PARD3B: variants seen among roughly 807,000 people sequenced by gnomAD.
The protein encoded by PARD3B is partitioning defective 3 homolog B.
A neutral mutation model predicts 130.2 loss-of-function variants in PARD3B; 103 were observed. The ratio of observed to expected loss-of-function variants is 0.79; its 90% CI spans 0.67 to 0.93. PARD3B has a LOEUF of 0.93. PARD3B is among the 40% of genes least tolerant of loss of function. The pLI, the probability that PARD3B is intolerant of heterozygous loss-of-function variation, is 0.00. For synonymous variants in PARD3B, 583 were observed against 553.2 expected, an observed-to-expected ratio of 1.05 and a Z score of -0.76; for missense variants, 1,609 against 1,499.2, an observed-to-expected ratio of 1.07 and a Z score of -1.21.
intron 16 of PARD3B, among the ~76,000 whole-genome samples, chr2:205,255,045 C>T (rs1023479224): frequency 1.0e-3 from 154 of 152,036 alleles, no homozygotes; most frequent in African/African-American, 3.5e-3. Context: ...CCTTTTGCCA[C>T]CATCACCCTC....
Position 205,292,066 on chromosome 2 carries a change from A to G in PARD3B, c.2186-8464A>G, listed in dbSNP as rs879660876. Among the ~76,000 whole-genome samples the G allele has an allele frequency of 2.0e-5, 3 of 152,170 alleles. No homozygotes were observed. The highest frequency in any genetic ancestry group is 4.8e-5 in the African/African-American group (2 of 41,446). On this transcript the variant is annotated intron_variant, in intron 16 of 22. Coordinates refer to ENST00000406610, the MANE Select transcript of PARD3B (RefSeq NM_001302769.2). The surrounding 1 kb of genome is among the most constrained non-coding windows in gnomAD (Gnocchi z 5.3). Reference sequence around the variant, plus strand: ...GGGCAGCCAAACACCACTGGGTTCTATTCCTTGTGCTGTAGTGTCAAATTG... The same window carrying G: ...GGGCAGCCAAACACCACTGGGTTCTGTTCCTTGTGCTGTAGTGTCAAATTG...
rs1488638107 is a variant in PARD3B, at chr2:205,252,848, C to CG, written c.2185+7026_2185+7027insG. Among the ~76,000 whole-genome samples, 3 of 115,628 alleles carry CG rather than the reference C, an allele frequency of 2.6e-5. 1 individual carries two copies. The highest frequency in any genetic ancestry group is 8.3e-5 in the Admixed American group (1 of 12,008). The allele number at this position is 115,628 out of a possible 152,430, so 75.9% of individuals were successfully genotyped here. ...TAGGAACCTGAAGGGACCCCCCCCC[C>CG]CCACCAAAAAAAAAAAAAAAGGAGA... On this transcript the variant is annotated intron_variant, in intron 16 of 22. Transcript: ENST00000406610.
At chr2:204,941,370 T>G (rs140611633) in intron 2 of PARD3B, among the ~76,000 whole-genome samples, 2 of 152,200 alleles carry the variant, frequency 1.3e-5, no homozygotes, top group African/African-American at 4.8e-5. Context: ...CGAGACTCTG[T>G]CTAAAGAAGA....
At chr2:204,716,284 A>T (rs2038720246) in intron 2 of PARD3B, among the ~76,000 whole-genome samples, 1 of 152,148 alleles carries the variant, frequency 6.6e-6, no homozygotes, top group African/African-American at 2.4e-5. Flanking sequence ...ACAGATCAGC[A>T]ACATGAGCAT....
intron 3 of PARD3B, among the ~76,000 whole-genome samples, chr2:204,965,893 A>G (rs1481738782): frequency 6.6e-6 from 1 of 152,206 alleles, no homozygotes; most frequent in Non-Finnish European, 1.5e-5. Context: ...TCAGTTTACA[A>G]CTCCAAGAGA....
intron 1 of PARD3B, among the ~76,000 whole-genome samples, chr2:204,571,748 G>A (rs1435413699): frequency 1.3e-5 from 2 of 152,176 alleles, no homozygotes; most frequent in East Asian, 1.9e-4. Flanking sequence ...TAATACAGTA[G>A]TAGATGAGTG....
At chr2:204,921,980 A>G (rs1446880198) in intron 2 of PARD3B, among the ~76,000 whole-genome samples, 1 of 152,082 alleles carries the variant, frequency 6.6e-6, no homozygotes, top group Non-Finnish European at 1.5e-5. Flanking sequence ...GAGGGAAGAA[A>G]GAACCAAAAT....
At position 205,558,285 on chromosome 2, in the gene PARD3B, G is replaced by A. The variant is rs969119866; in HGVS notation, c.3260+4882G>A. ...CCCAGGGCGAGTTAACCAGGAAGGTGGAGCATGATGCTCTAGCTCCCAGGG... is the reference window on the plus strand; with the variant it reads ...CCCAGGGCGAGTTAACCAGGAAGGTAGAGCATGATGCTCTAGCTCCCAGGG... On this transcript the variant is annotated intron_variant, in intron 22 of 22. Coordinates refer to ENST00000406610, the MANE Select transcript of PARD3B (RefSeq NM_001302769.2). This position sits in a 1 kb window ranked among gnomAD's most constrained non-coding sequence, Gnocchi z 4.8. Among the ~76,000 whole-genome samples the A allele has an allele frequency of 6.6e-6, 1 of 152,112 alleles. No individual in the cohort carries two copies. The highest frequency in any genetic ancestry group is 2.4e-5 in the African/African-American group (1 of 41,412).
intron 20 of PARD3B, among the ~76,000 whole-genome samples, chr2:205,478,216 T>C (rs2049094931): frequency 6.6e-6 from 1 of 152,196 alleles, no homozygotes; most frequent in South Asian, 2.1e-4. Flanking sequence ...GAGGCTGAAT[T>C]TCTGGCATCA....
intron 16 of PARD3B, among the ~76,000 whole-genome samples, chr2:205,296,112 A>G (rs898316421): frequency 6.6e-6 from 1 of 152,224 alleles, no homozygotes; most frequent in African/African-American, 2.4e-5. Flanking sequence ...TGACTGTGAC[A>G]GTAATGATCA....
intron 2 of PARD3B, among the ~76,000 whole-genome samples, chr2:204,734,830 A>G (rs958896569): frequency 1.3e-5 from 2 of 151,948 alleles, no homozygotes; most frequent in South Asian, 2.1e-4. Flanking sequence ...TGGTCACACA[A>G]CTCTATGCAT....
At chr2:205,297,464 T>A (rs2041837378) in intron 16 of PARD3B, among the ~76,000 whole-genome samples, 1 of 152,168 alleles carries the variant, frequency 6.6e-6, no homozygotes, top group African/African-American at 2.4e-5. Context: ...GGTATTTTAT[T>A]CCAAGTGTTT....
At chr2:204,891,288 A>G (rs2046436477) in intron 2 of PARD3B, among the ~76,000 whole-genome samples, 1 of 151,932 alleles carries the variant, frequency 6.6e-6, no homozygotes, top group African/African-American at 2.4e-5. Flanking sequence ...CTGTGACAAG[A>G]CACTATATCA....
chr2:204,814,453 T>C (rs1212806397), intron 2 of PARD3B, among the ~76,000 whole-genome samples: 1 of 151,864 alleles, frequency 6.6e-6, no homozygotes, highest in Non-Finnish European at 1.5e-5. Context: ...GTATATATCA[T>C]GTATGTAAAT....
intron 2 of PARD3B, among the ~76,000 whole-genome samples, chr2:204,886,829 A>G (rs59922842): frequency 0.17 from 25,943 of 152,080 alleles, 3,449 homozygotes; most frequent in African/African-American, 0.37. Flanking sequence ...GGACACTTAA[A>G]AGTTCTTGTC....
chr2:204,711,601 A>C (rs1480155490), intron 2 of PARD3B, among the ~76,000 whole-genome samples: 1 of 151,702 alleles, frequency 6.6e-6, no homozygotes, highest in Non-Finnish European at 1.5e-5. Flanking sequence ...ACTGGAGCAC[A>C]GTGGCACGAT....
chr2:204,760,836 G>T (rs2040868401), intron 2 of PARD3B, among the ~76,000 whole-genome samples: 1 of 152,132 alleles, frequency 6.6e-6, no homozygotes, highest in South Asian at 2.1e-4. Flanking sequence ...TTCAAGTGAA[G>T]TAGTACTTTC....
chr2:205,607,105 CTT>C (rs1394211099), intron 22 of PARD3B, among the ~76,000 whole-genome samples: 1 of 152,148 alleles, frequency 6.6e-6, no homozygotes, highest in African/African-American at 2.4e-5. Flanking sequence ...CACCAAGAAA[CTT>C]TGCTTTCCTT....
In PARD3B at chr2:205,590,630, A is replaced by G. The variant is rs1010778657; in HGVS notation, c.3261-24826A>G. On this transcript the variant is annotated intron_variant, in intron 22 of 22. Coordinates refer to ENST00000406610, the MANE Select transcript of PARD3B (RefSeq NM_001302769.2). The surrounding 1 kb of genome is among the most constrained non-coding windows in gnomAD (Gnocchi z 4.1). ...GGCATGGAATGATTCCCAAAAGAAC[A>G]GAAGGCTGTCACCAGGATAAAGTAG... Among the ~76,000 whole-genome samples the G allele has an allele frequency of 6.6e-6, 1 of 152,204 alleles. No individual in the cohort carries two copies. The highest frequency in any genetic ancestry group is 1.5e-5 in the Non-Finnish European group (1 of 68,040).
Sources: allele counts gnomAD v4.1 joint callset (sites outside exome capture counted in the v4.1 genomes callset), GRCh38; gene constraint gnomAD v4.1.1; non-coding constraint Gnocchi (gnomAD v3.1); transcripts MANE v1.5; gene names NCBI Gene and HGNC (gene_info 2026-07-23, HGNC 2026-07-21).